ZNF536: variants seen among roughly 807,000 people sequenced by gnomAD.
ZNF536 encodes zinc finger protein 536.
ZNF536 carries 13 observed loss-of-function variants against 84.5 expected under a neutral mutation model. The ratio of observed to expected loss-of-function variants is 0.15; its 90% CI spans 0.10 to 0.24. ZNF536 has a LOEUF of 0.24. Ranked by LOEUF, ZNF536 falls within the 10% of genes least tolerant of loss-of-function variation. ZNF536 has a pLI of 1.00. For synonymous variants in ZNF536, 811 were observed against 742.5 expected, an observed-to-expected ratio of 1.09 and a Z score of -1.50; for missense variants, 1,536 against 1,747.5, an observed-to-expected ratio of 0.88 and a Z score of 2.16.
chr19:30,390,691 G>A (rs1207220950), intron 1 of ZNF536, among the ~76,000 whole-genome samples: 6 of 152,176 alleles, frequency 3.9e-5, no homozygotes, highest in Admixed American at 3.9e-4. Flanking sequence ...AACAGTCCAT[G>A]GCAAAGTCAG....
intron 2 of ZNF536, among the ~76,000 whole-genome samples, chr19:30,509,578 C>T (rs2055326841): frequency 6.6e-6 from 1 of 151,054 alleles, no homozygotes; most frequent in Non-Finnish European, 1.5e-5. Context: ...AGGCACACAA[C>T]ATGACATTAT....
chr19:30,283,727 GAA>G (rs1328053442), intron 1 of ZNF536, among the ~76,000 whole-genome samples: 1 of 146,338 alleles, frequency 6.8e-6, no homozygotes, highest in East Asian at 2.3e-4. Flanking sequence ...CAGCGAGAGA[GAA>G]AGAGAGAGAG....
At position 30,548,605 on chromosome 19, in the gene ZNF536, G is replaced by C; in HGVS notation, c.2986G>C (p.Asp996His). The C allele has an allele frequency of 6.2e-7, 1 of 1,614,162 alleles. No homozygotes were observed. Among genetic ancestry groups the C allele is most frequent in the Non-Finnish European group, 8.5e-7 (1 of 1,180,038 alleles). The change falls in exon 4 of 5, where the codon GAC becomes CAC. Residue 996 changes from aspartate (D) to histidine (H), a missense_variant. Asp to His is a moderately conservative substitution (Grantham distance 81). Transcript: ENST00000355537. Reference sequence around the variant, plus strand: ...CCCGGGCTCCTCGGTAACTGTGCAGGACAGCATTGCATGGCACGGCTGCTT... The same window carrying C: ...CCCGGGCTCCTCGGTAACTGTGCAGCACAGCATTGCATGGCACGGCTGCTT... ...SLPGSSVTVQ[D>H]SIAWHGCLFC...
intron 2 of ZNF536, among the ~76,000 whole-genome samples, chr19:30,516,828 C>T (rs1346520704): frequency 1.3e-5 from 2 of 152,082 alleles, no homozygotes; most frequent in East Asian, 1.9e-4. Context: ...TGCGAGGCTT[C>T]GTGGCGAGGC....
At chr19:30,346,138 C>T (rs1033980660) in intron 2 of ZNF536, among the ~76,000 whole-genome samples, 1 of 152,044 alleles carries the variant, frequency 6.6e-6, no homozygotes, top group Non-Finnish European at 1.5e-5. Flanking sequence ...CCAAGGGACC[C>T]CAAGGGTTTC....
In ZNF536 at chr19:30,534,931, A is replaced by C; in HGVS notation, c.2255A>C (p.Asp752Ala). 1 of 1,613,964 alleles carries C rather than the reference A, an allele frequency of 6.2e-7. No individual in the cohort carries two copies. The highest frequency in any genetic ancestry group is 8.5e-7 in the Non-Finnish European group (1 of 1,179,908). The change falls in exon 3 of 5, where the codon GAC (aspartate) becomes GCC (alanine). Residue 752 changes from aspartate to alanine, a missense_variant. Coordinates refer to ENST00000355537, the MANE Select transcript of ZNF536 (RefSeq NM_014717.3). ...AGAAGCCTGGGCTCGGCCATGAAGG[A>C]CTGCCCGTACTGTGGGAAAACTTTC... ...RDRSLGSAMK[D>A]CPYCGKTFRT...
intron 1 of ZNF536, among the ~76,000 whole-genome samples, chr19:30,674,857 T>C: frequency 6.6e-6 from 1 of 152,110 alleles, no homozygotes; most frequent in Non-Finnish European, 1.5e-5. Context: ...TCAGAGATGG[T>C]CCTTCCAGCC....
At chr19:30,412,109 T>C (rs2050519729) in intron 1 of ZNF536, among the ~76,000 whole-genome samples, 1 of 152,056 alleles carries the variant, frequency 6.6e-6, no homozygotes, top group Non-Finnish European at 1.5e-5. Context: ...TTTACTACGA[T>C]TTATTAGTAC....
intron 1 of ZNF536, among the ~76,000 whole-genome samples, chr19:30,239,206 G>A (rs2023760275): frequency 6.6e-6 from 1 of 152,188 alleles, no homozygotes; most frequent in African/African-American, 2.4e-5. Flanking sequence ...AACCAAGATG[G>A]GGTCCTGTCA....
intron 1 of ZNF536, among the ~76,000 whole-genome samples, chr19:30,598,936 C>T (rs186162024): frequency 1.6e-4 from 8 of 51,002 alleles, no homozygotes; most frequent in African/African-American, 3.1e-4. Context: ...TTTCTCCCTC[C>T]CTCCCTCCCT....
chr19:30,286,761 A>G (rs983575389), intron 2 of ZNF536, among the ~76,000 whole-genome samples: 4 of 152,250 alleles, frequency 2.6e-5, no homozygotes, highest in Admixed American at 6.5e-5. Flanking sequence ...GTGTGCACCC[A>G]CATACATGTA....
intron 1 of ZNF536, among the ~76,000 whole-genome samples, chr19:30,615,054 C>T (rs936491535): frequency 2.1e-5 from 3 of 140,676 alleles, no homozygotes; most frequent in Non-Finnish European, 4.6e-5. Flanking sequence ...TCACGCCATT[C>T]TCCTGCCTCA....
At chr19:30,555,879 G>A (rs756658813) in intron 4 of ZNF536, 2 of 152,240 alleles carry the variant, frequency 1.3e-5, no homozygotes, top group Admixed American at 1.3e-4. Flanking sequence ...CCAATCTGCC[G>A]AGTGTGTGGG....
At chr19:30,550,643 A>AG (rs907614614) in intron 4 of ZNF536, among the ~76,000 whole-genome samples, 51 of 151,806 alleles carry the variant, frequency 3.4e-4, no homozygotes, top group African/African-American at 1.1e-3. Context: ...AAGGGAAGGA[A>AG]GGGGGGGAAA....
chr19:30,366,097 ACTC>A (rs961476109), intron 3 of ZNF536, among the ~76,000 whole-genome samples: 12 of 151,806 alleles, frequency 7.9e-5, no homozygotes, highest in African/African-American at 2.7e-4. Context: ...CCCCACGTGA[ACTC>A]CTCCAGCCCA....
At chr19:30,677,339 G>A (rs774025146) in intron 1 of ZNF536, among the ~76,000 whole-genome samples, 1 of 152,246 alleles carries the variant, frequency 6.6e-6, no homozygotes, top group Non-Finnish European at 1.5e-5. Flanking sequence ...AGGTGACCAT[G>A]TGCAGGCATT....
intron 1 of ZNF536, among the ~76,000 whole-genome samples, chr19:30,669,375 G>A (rs937956225): frequency 1.3e-5 from 2 of 152,210 alleles, no homozygotes; most frequent in Non-Finnish European, 1.5e-5. Context: ...CTGCGGGAGG[G>A]GCGGCCCCCA....
intron 1 of ZNF536, among the ~76,000 whole-genome samples, chr19:30,690,405 T>G (rs1240405437): frequency 6.6e-6 from 1 of 152,052 alleles, no homozygotes; most frequent in African/African-American, 2.4e-5. Flanking sequence ...TGGCGATGAG[T>G]TTGGTAAGGA....
chr19:30,480,123 G>A (rs892640940), intron 2 of ZNF536, among the ~76,000 whole-genome samples: 2 of 152,344 alleles, frequency 1.3e-5, no homozygotes, highest in Middle Eastern at 3.4e-3. Context: ...GCAGGTTTCA[G>A]CACTGCTTTC....
Sources: allele counts gnomAD v4.1 joint callset (sites outside exome capture counted in the v4.1 genomes callset), GRCh38; gene constraint gnomAD v4.1.1; transcripts MANE v1.5; gene names NCBI Gene and HGNC (gene_info 2026-07-23, HGNC 2026-07-21).